The following CDADC1 variants were observed in gnomAD, a reference collection of about 807,000 sequenced individuals.
The protein encoded by CDADC1 is cytidine and dCMP deaminase domain containing 1, also known as dCTP deaminase.
CDADC1 carries 39 observed loss-of-function variants against 54.9 expected under a neutral mutation model. The observed-to-expected ratio is 0.71, with a 90% CI of 0.55 to 0.93. The LOEUF is 0.93. Among genes scored for constraint, CDADC1 ranks in the 40% least tolerant of loss-of-function variants. The probability of loss-of-function intolerance (pLI) is 0.00; values close to 1 mark genes in which losing one functional copy is unlikely to be tolerated. For synonymous variants in CDADC1, 186 were observed against 204.0 expected, an observed-to-expected ratio of 0.91 and a Z score of 0.75; for missense variants, 518 against 618.8, an observed-to-expected ratio of 0.84 and a Z score of 1.73.
At chr13:49,276,886 C>T (rs1386886843) in intron 6 of CDADC1, among the ~76,000 whole-genome samples, 1 of 152,158 alleles carries the variant, frequency 6.6e-6, no homozygotes, top group Non-Finnish European at 1.5e-5. Flanking sequence ...TTTGTGTGTA[C>T]ATGAATGCTC....
intron 6 of CDADC1, among the ~76,000 whole-genome samples, chr13:49,277,595 C>T (rs1361107576): frequency 1.3e-5 from 2 of 152,016 alleles, no homozygotes; most frequent in African/African-American, 4.8e-5. Context: ...TTGATATTAT[C>T]ATGAGTAATT....
intron 2 of CDADC1, among the ~76,000 whole-genome samples, chr13:49,251,411 G>GA (rs966493068): frequency 5.6e-4 from 83 of 147,332 alleles, no homozygotes; most frequent in Admixed American, 1.1e-3. Context: ...AAAAAAAAAA[G>GA]AAAAAAAAAC....
At chr13:49,269,763 T>C (rs1230903045) in intron 5 of CDADC1, among the ~76,000 whole-genome samples, 1 of 152,234 alleles carries the variant, frequency 6.6e-6, no homozygotes, top group Non-Finnish European at 1.5e-5. Flanking sequence ...TTTTACTGGA[T>C]CTTAGTACCT....
In CDADC1 at chr13:49,286,213, C is replaced by T; in HGVS notation, c.1411-9C>T. The T allele has an allele frequency of 6.2e-7, 1 of 1,610,476 alleles. No homozygotes were observed. The highest frequency in any genetic ancestry group is 8.5e-7 in the Non-Finnish European group (1 of 1,176,766). On this transcript the variant is annotated splice_polypyrimidine_tract_variant and intron_variant, in intron 8 of 9. Coordinates refer to ENST00000251108, the MANE Select transcript of CDADC1 (RefSeq NM_030911.4). ...TTTAAACAAGTAAAATGTTTGTGCA[C>T]TCTTACAGTGGCAGCTGAATCCATC...
chr13:49,263,413 C>G (rs542359306), intron 4 of CDADC1, among the ~76,000 whole-genome samples: 7 of 152,148 alleles, frequency 4.6e-5, no homozygotes, highest in African/African-American at 1.4e-4. Flanking sequence ...TTCCGGATGA[C>G]CAATGCACAA....
chr13:49,260,734 A>T (rs1175082309), intron 4 of CDADC1, among the ~76,000 whole-genome samples: 2 of 152,210 alleles, frequency 1.3e-5, no homozygotes, highest in Admixed American at 1.3e-4. Context: ...GTAGATCAAA[A>T]AACAAAAAAA....
chr13:49,281,425 G>C (rs1953331259), intron 8 of CDADC1, among the ~76,000 whole-genome samples: 1 of 152,182 alleles, frequency 6.6e-6, no homozygotes, highest in Admixed American at 6.5e-5. Context: ...CCACAGATGG[G>C]GTTATGGTTT....
rs1393019235 is a variant in CDADC1, at chr13:49,253,097, T to A, written c.178-2742T>A. Among the ~76,000 whole-genome samples the A allele has an allele frequency of 2.6e-5, 4 of 152,222 alleles. No individual in the cohort carries two copies. In the East Asian group the frequency reaches 5.8e-4, roughly 22 times the overall value. On this transcript the variant is annotated intron_variant, in intron 2 of 9. Transcript: ENST00000251108. ...GTTTCACTTAAATTCTTTAGTCTGC[T>A]TTTGTTGTACAGAGTAAATCACAGA...
chr13:49,255,955 A>C, intron 3 of CDADC1, 42 bp downstream of exon 3: 1 of 1,590,924 alleles, frequency 6.3e-7, no homozygotes, highest in Non-Finnish European at 8.5e-7. Flanking sequence ...CATAATAACA[A>C]AGCAAAAGGA....
At chr13:49,274,044 T>G (rs964132142) in intron 5 of CDADC1, among the ~76,000 whole-genome samples, 3 of 152,192 alleles carry the variant, frequency 2.0e-5, no homozygotes, top group African/African-American at 7.2e-5. Flanking sequence ...TGCCATTTAG[T>G]GGCCTCCACA....
intron 4 of CDADC1, among the ~76,000 whole-genome samples, chr13:49,261,448 C>T (rs1271246160): frequency 1.3e-5 from 2 of 152,176 alleles, no homozygotes; most frequent in African/African-American, 4.8e-5. Flanking sequence ...TTTCATCACT[C>T]ATGTTCAACT....
chr13:49,278,273 T>C lies in CDADC1; in HGVS notation c.1051-77T>C. 3 of 1,087,282 alleles carry C rather than the reference T, an allele frequency of 2.8e-6. No individual in the cohort carries two copies. The South Asian group carries it at 6.6e-5, about 24-fold the overall frequency. 67.4% of individuals were successfully genotyped at this position (1,087,282 alleles called of 1,614,324 possible). Reference sequence around the variant, plus strand: ...TGAATATTCATTATACAAAGTATGATAGCAAGCTTCAAAAATACATTGCAA... The same window carrying C: ...TGAATATTCATTATACAAAGTATGACAGCAAGCTTCAAAAATACATTGCAA... On this transcript the variant is annotated intron_variant, in intron 6 of 9. Coordinates refer to ENST00000251108, the MANE Select transcript of CDADC1 (RefSeq NM_030911.4).
chr13:49,281,780 A>G (rs998853367), intron 8 of CDADC1, among the ~76,000 whole-genome samples: 1 of 152,080 alleles, frequency 6.6e-6, no homozygotes, highest in African/African-American at 2.4e-5. Context: ...GGAAAACAAG[A>G]ATATTTGTTT....
At chr13:49,283,725 C>A (rs1423536931) in intron 8 of CDADC1, among the ~76,000 whole-genome samples, 1 of 152,136 alleles carries the variant, frequency 6.6e-6, no homozygotes, top group Non-Finnish European at 1.5e-5. Flanking sequence ...AGGAAGCACC[C>A]AGTTGGGCCA....
At position 49,255,840 on chromosome 13, in the gene CDADC1, A is replaced by G. The variant is rs1281223781; in HGVS notation, c.179A>G (p.Lys60Arg). ...PAEAQRQKSQ[K>R]NEEGKHGPLG... ...TTTCCTTAATCTGATTTTTATTAGAAAAATGAAGAGGGAAAGCATGGACCC... is the reference window on the plus strand; with the variant it reads ...TTTCCTTAATCTGATTTTTATTAGAGAAATGAAGAGGGAAAGCATGGACCC... Residue 60 changes from lysine (K) to arginine (R), a missense_variant and splice_region_variant, in exon 3 of 10, where the codon AAA (lysine) becomes AGA (arginine). Transcript: ENST00000251108. The G allele has an allele frequency of 1.9e-6, 3 of 1,610,754 alleles. No homozygotes were observed. Among genetic ancestry groups the G allele is most frequent in the East Asian group, 4.5e-5 (2 of 44,764 alleles).
At chr13:49,277,410 G>A (rs1405831030) in intron 6 of CDADC1, among the ~76,000 whole-genome samples, 1 of 152,076 alleles carries the variant, frequency 6.6e-6, no homozygotes, top group Non-Finnish European at 1.5e-5. Context: ...AGTCAAACCT[G>A]GGTGACAGAG....
chr13:49,260,659 C>T (rs923589288), intron 4 of CDADC1, among the ~76,000 whole-genome samples: 1 of 152,210 alleles, frequency 6.6e-6, no homozygotes, highest in Non-Finnish European at 1.5e-5. Flanking sequence ...TTCTGTTTTG[C>T]ACCCAGGTAT....
At position 49,291,944 on chromosome 13, in the gene CDADC1, G is replaced by C. The variant is rs1382124849; in HGVS notation, c.*187G>C. The stretch of plus-strand genomic sequence containing the variant: ...TATTTGTCTTTTAGATTTATGTGTG[G>C]GTTTTCCATAATGTAGTAGTGTGTT... On this transcript the variant is annotated 3_prime_UTR_variant, in exon 10 of 10. Transcript: ENST00000251108. The C allele has an allele frequency of 7.3e-7, 1 of 1,363,818 alleles. No individual in the cohort carries two copies. Among genetic ancestry groups the C allele is most frequent in the Non-Finnish European group, 9.5e-7 (1 of 1,057,574 alleles). The allele number at this position is 1,363,818 out of a possible 1,614,324, so 84.5% of individuals were successfully genotyped here.
rs1952955365 is a variant in CDADC1, at chr13:49,271,158, A to G, written c.1000+3099A>G. Among the ~76,000 whole-genome samples, 3 of 152,184 alleles carry G rather than the reference A, an allele frequency of 2.0e-5. No homozygotes were observed. In the South Asian group the frequency reaches 6.2e-4, roughly 31 times the overall value. ...GCCAGGTGCGGTGGCTCCCGCCTGT[A>G]ATACCAGCACTGGGAGACTGAGGCA... On this transcript the variant is annotated intron_variant, in intron 5 of 9. Coordinates refer to ENST00000251108, the MANE Select transcript of CDADC1 (RefSeq NM_030911.4).
Sources: gnomAD v4.1 joint callset for allele counts (sites outside exome capture counted in the v4.1 genomes callset) on GRCh38, gnomAD v4.1.1 for gene constraint, MANE v1.5 for transcripts, NCBI Gene and HGNC (gene_info 2026-07-23, HGNC 2026-07-21) for gene names.